Variants in AQP9 observed in about 807,000 individuals in gnomAD.
AQP9 encodes aquaporin 9.
Under a neutral mutation model 23.8 loss-of-function variants are expected in AQP9, and 19 were observed. The observed-to-expected ratio is 0.80, with a 90% CI of 0.56 to 1.17. The LOEUF (loss-of-function observed/expected upper bound fraction) is 1.17, where lower values mean the gene tolerates loss of function less well. Ranked by LOEUF, AQP9 falls within the 50% of genes most tolerant of loss-of-function variation. AQP9 has a pLI of 0.00. For missense variants in AQP9, 413 were observed against 362.0 expected (o/e 1.14, Z -1.14); for synonymous variants, 153 against 131.5 (o/e 1.16, Z -1.12).
chr15:58,139,422 T>A (rs1298697196), intron 1 of AQP9, among the ~76,000 whole-genome samples: 1 of 152,210 alleles, frequency 6.6e-6, no homozygotes, highest in Non-Finnish European at 1.5e-5. Flanking sequence ...GTCTGGGCTT[T>A]CATTTTGCTG....
intron 1 of AQP9, chr15:58,155,315 T>C (rs1218107355): frequency 1.3e-5 from 2 of 152,204 alleles, no homozygotes; most frequent in Non-Finnish European, 2.9e-5. Flanking sequence ...GGTATTATCC[T>C]GCTACTCACG....
At chr15:58,175,740 GGAGC>G (rs1898738540) in intron 4 of AQP9, among the ~76,000 whole-genome samples, 1 of 44,762 alleles carries the variant, frequency 2.2e-5, no homozygotes. Flanking sequence ...CTTATACAGT[GGAGC>G]AGATCAGAAT....
intron 1 of AQP9, among the ~76,000 whole-genome samples, chr15:58,149,402 A>G (rs549695001): frequency 5.3e-5 from 8 of 152,146 alleles, no homozygotes; most frequent in Non-Finnish European, 1.0e-4. Context: ...GGTCAAAATC[A>G]TGTGCAGTCA....
chr15:58,139,872 G>C (rs1330393015), intron 1 of AQP9, among the ~76,000 whole-genome samples: 1 of 152,142 alleles, frequency 6.6e-6, no homozygotes, highest in Non-Finnish European at 1.5e-5. Context: ...TGGCTGCTCT[G>C]ACCACACTCA....
In AQP9 at chr15:58,179,115, T is replaced by G; in HGVS notation, c.496-13T>G. On this transcript the variant is annotated splice_polypyrimidine_tract_variant and intron_variant, in intron 4 of 5. Transcript: ENST00000219919. ...TGCAGGCTAAAGCCCTGGCTCAACT[T>G]CTCCCTCTCCAGGTGGTGGCCACCA... 6.3e-7 allele frequency: 1 copy of G among 1,585,056 alleles called. No homozygotes were observed. The highest frequency in any genetic ancestry group is 8.7e-7 in the Non-Finnish European group (1 of 1,153,468).
At chr15:58,156,872 G>C (rs1365667583) in intron 1 of AQP9, among the ~76,000 whole-genome samples, 1 of 152,172 alleles carries the variant, frequency 6.6e-6, no homozygotes, top group Non-Finnish European at 1.5e-5. Flanking sequence ...GTAGGCTTAA[G>C]TTATTGCTAT....
chr15:58,143,954 C>A (rs552800689), intron 1 of AQP9, among the ~76,000 whole-genome samples: 1 of 152,100 alleles, frequency 6.6e-6, no homozygotes, highest in Non-Finnish European at 1.5e-5. Flanking sequence ...CTTCCAGTAG[C>A]GACATGAGTT....
At chr15:58,178,205 C>T (rs554529087) in intron 4 of AQP9, among the ~76,000 whole-genome samples, 2 of 152,274 alleles carry the variant, frequency 1.3e-5, no homozygotes, top group East Asian at 1.9e-4. Context: ...CCCCCACAGA[C>T]ACCAAGGGAC....
At chr15:58,153,023 A>G (rs1023027421) in intron 1 of AQP9, 4 of 152,176 alleles carry the variant, frequency 2.6e-5, no homozygotes, top group Non-Finnish European at 5.9e-5. Context: ...CCAACTTTTT[A>G]TTGGATGAGA....
intron 1 of AQP9, among the ~76,000 whole-genome samples, chr15:58,149,129 C>T (rs1188442387): frequency 2.0e-5 from 3 of 152,140 alleles, no homozygotes; most frequent in Non-Finnish European, 4.4e-5. Flanking sequence ...TAAATCTGTA[C>T]TCTGTGCTAA....
At chr15:58,147,504 G>A (rs559323120) in intron 1 of AQP9, among the ~76,000 whole-genome samples, 39 of 152,228 alleles carry the variant, frequency 2.6e-4, no homozygotes, top group Non-Finnish European at 5.1e-4. Flanking sequence ...CAAAGCAAGT[G>A]ATTTAAGAGA....
In AQP9 at chr15:58,179,266, G is replaced by T; in HGVS notation, c.634G>T (p.Gly212Cys). The T allele has an allele frequency of 6.2e-7, 1 of 1,614,152 alleles. No homozygotes were observed. ...VIASSLGLNS[G>C]CAMNPARDLS... ...TGCTTCCTCCCTGGGACTGAACAGT[G>T]GCTGTGCCATGAACCCAGCTCGAGA... The change falls in exon 5 of 6, where the codon GGC becomes TGC. Residue 212 changes from glycine to cysteine, a missense_variant. Transcript: ENST00000219919.
intron 1 of AQP9, among the ~76,000 whole-genome samples, chr15:58,143,099 T>A (rs1489998611): frequency 1.3e-5 from 2 of 152,204 alleles, no homozygotes; most frequent in Non-Finnish European, 2.9e-5. Flanking sequence ...CAGCAGAACA[T>A]CAGAGGATGT....
At chr15:58,151,283 A>G (rs1267358846) in intron 1 of AQP9, 5 of 152,168 alleles carry the variant, frequency 3.3e-5, no homozygotes, top group Admixed American at 2.6e-4. Context: ...TCTCCAACAC[A>G]TACAGCCTAG....
chr15:58,156,575 C>A (rs1246175197), intron 1 of AQP9, among the ~76,000 whole-genome samples: 1 of 152,154 alleles, frequency 6.6e-6, no homozygotes, highest in East Asian at 1.9e-4. Flanking sequence ...GACATAACCT[C>A]GCAGCCCAGT....
chr15:58,144,418 A>G (rs2140584369), intron 1 of AQP9, among the ~76,000 whole-genome samples: 1 of 152,226 alleles, frequency 6.6e-6, no homozygotes, highest in South Asian at 2.1e-4. Context: ...CCTATCATAC[A>G]CCTGTTCACA....
At chr15:58,178,652 C>T (rs182571676) in intron 4 of AQP9, among the ~76,000 whole-genome samples, 9 of 152,178 alleles carry the variant, frequency 5.9e-5, no homozygotes. Flanking sequence ...TTTACCACTG[C>T]TTTCCTAATT....
At chr15:58,157,411 C>T (rs1898286518) in intron 1 of AQP9, among the ~76,000 whole-genome samples, 1 of 152,266 alleles carries the variant, frequency 6.6e-6, no homozygotes, top group African/African-American at 2.4e-5. Flanking sequence ...AGAATGTCCA[C>T]CTGGCTTACT....
At chr15:58,160,690 G>A (rs1483823990) in intron 1 of AQP9, among the ~76,000 whole-genome samples, 5 of 151,856 alleles carry the variant, frequency 3.3e-5, no homozygotes, top group Admixed American at 6.6e-5. Flanking sequence ...GTGGGGGGTC[G>A]GTGCCACAAG....
Sources: gnomAD v4.1 joint callset for allele counts (sites outside exome capture counted in the v4.1 genomes callset) on GRCh38, gnomAD v4.1.1 for gene constraint, MANE v1.5 for transcripts, NCBI Gene and HGNC (gene_info 2026-07-23, HGNC 2026-07-21) for gene names.